Variants in DYNC1I1 observed in about 807,000 individuals in gnomAD.
The protein encoded by DYNC1I1 is cytoplasmic dynein 1 intermediate chain 1.
In DYNC1I1, 43 loss-of-function variants were observed where a neutral mutation model predicts 86.6. The ratio of observed to expected loss-of-function variants is 0.50; its 90% CI spans 0.39 to 0.64. DYNC1I1 has a LOEUF of 0.64. Among genes scored for constraint, DYNC1I1 ranks in the 30% least tolerant of loss-of-function variants. The pLI, the probability that DYNC1I1 is intolerant of heterozygous loss-of-function variation, is 0.00. For synonymous variants in DYNC1I1, 262 were observed against 283.7 expected (o/e 0.92, Z 0.77); for missense variants, 604 against 788.8 (o/e 0.77, Z 2.81).
At chr7:95,859,826 A>G (rs2706858) in intron 5 of DYNC1I1, among the ~76,000 whole-genome samples, 149,037 of 152,308 alleles carry the variant, frequency 0.98, 73,004 homozygotes, top group Middle Eastern at 1. Flanking sequence ...TAGGGTCATG[A>G]GGGCCTGCCT....
At chr7:95,926,153 T>G (rs1371849610) in intron 6 of DYNC1I1, among the ~76,000 whole-genome samples, 2 of 152,328 alleles carry the variant, frequency 1.3e-5, no homozygotes, top group East Asian at 3.9e-4. Flanking sequence ...ATGTACATAC[T>G]GAGCAATTCA....
chr7:95,853,599 G>A (rs752804465), intron 5 of DYNC1I1, among the ~76,000 whole-genome samples: 2 of 152,166 alleles, frequency 1.3e-5, no homozygotes, highest in Non-Finnish European at 2.9e-5. Flanking sequence ...TCTAGAAAAT[G>A]TTCCATGTGC....
At chr7:95,959,768 G>T (rs553759050) in intron 6 of DYNC1I1, among the ~76,000 whole-genome samples, 1 of 152,094 alleles carries the variant, frequency 6.6e-6, no homozygotes, top group African/African-American at 2.4e-5. Context: ...GCTATTAATA[G>T]AACTTACTCA....
chr7:95,843,446 C>T (rs1789342842), intron 5 of DYNC1I1, among the ~76,000 whole-genome samples: 1 of 152,178 alleles, frequency 6.6e-6, no homozygotes, highest in African/African-American at 2.4e-5. Context: ...TAACTTGGGG[C>T]AGTTGTAGGG....
intron 5 of DYNC1I1, among the ~76,000 whole-genome samples, chr7:95,864,232 A>G (rs1338092441): frequency 6.6e-6 from 1 of 152,206 alleles, no homozygotes; most frequent in African/African-American, 2.4e-5. Flanking sequence ...GGAAAGGGGA[A>G]TGGGGACAGT....
intron 6 of DYNC1I1, among the ~76,000 whole-genome samples, chr7:95,975,275 G>T (rs555518875): frequency 2.0e-5 from 3 of 152,286 alleles, no homozygotes; most frequent in Non-Finnish European, 4.4e-5. Context: ...CCACAAACTG[G>T]CTGTTTAAAC....
At position 95,954,226 on chromosome 7, in the gene DYNC1I1, T is replaced by C. The variant is rs1037741436; in HGVS notation, c.491-23286T>C. Among the ~76,000 whole-genome samples the C allele has an allele frequency of 7.9e-5, 12 of 151,478 alleles. No homozygotes were observed. In the South Asian group the frequency reaches 1.7e-3, roughly 21 times the overall value. ...GTCACCTGGTTTTAAAAATTGGTTA[T>C]TTAAAAATCTGCTATTATCATAATT... is the stretch of plus-strand genomic sequence containing the variant. On this transcript the variant is annotated intron_variant, in intron 6 of 16. Transcript: ENST00000447467.
intron 5 of DYNC1I1, among the ~76,000 whole-genome samples, chr7:95,831,812 G>A (rs1233990791): frequency 1.3e-5 from 2 of 151,690 alleles, no homozygotes; most frequent in East Asian, 1.9e-4. Flanking sequence ...AGTCTATTTA[G>A]GGCCTCTGTG....
intron 6 of DYNC1I1, among the ~76,000 whole-genome samples, chr7:95,879,251 A>T (rs1338982839): frequency 6.6e-6 from 1 of 152,194 alleles, no homozygotes; most frequent in Non-Finnish European, 1.5e-5. Context: ...AATAGCAGTG[A>T]TATAAAACAC....
intron 14 of DYNC1I1, among the ~76,000 whole-genome samples, chr7:96,059,320 A>T (rs1394459865): frequency 6.6e-6 from 1 of 152,148 alleles, no homozygotes; most frequent in African/African-American, 2.4e-5. Context: ...ATCGAAAAAA[A>T]AAAATGCAAA....
At position 96,039,322 on chromosome 7, in the gene DYNC1I1, GACAGGAATTA is replaced by G; in HGVS notation, c.1413_1422del (p.Gly472AlafsTer90). On this transcript the variant is annotated frameshift_variant, in exon 14 of 17. Coordinates refer to ENST00000447467, the MANE Select transcript of DYNC1I1 (RefSeq NM_001135556.2). LOFTEE classifies it high-confidence loss of function. ...TCTTTGAAGGTCACCAAGGGCCAGTGACAGGAATTAACTGCCACATGGCAGTGGGCCCAAT... is the reference window on the plus strand; with the variant it reads ...TCTTTGAAGGTCACCAAGGGCCAGTGACTGCCACATGGCAGTGGGCCCAAT... 6.2e-7 allele frequency: 1 copy of G among 1,614,114 alleles called. No homozygotes were observed. Among genetic ancestry groups the G allele is most frequent in the East Asian group, 2.2e-5 (1 of 44,878 alleles).
rs555898210 is a variant in DYNC1I1, at chr7:96,029,978, T to TTTGTTG, written c.1116+1675_1116+1680dup. Among the ~76,000 whole-genome samples the TTTGTTG allele has an allele frequency of 8.8e-3, 1,336 of 151,910 alleles. 15 individuals are homozygous for TTTGTTG. The highest frequency in any genetic ancestry group is 0.031 in the African/African-American group (1,266 of 41,460). ...CTTGTCCACTTTTCGCTTTTGCTGT[T>TTTGTTG]TTGTTGTTGTTGTTGTTGTTGTTTT... On this transcript the variant is annotated intron_variant, in intron 11 of 16. Coordinates refer to ENST00000447467, the MANE Select transcript of DYNC1I1 (RefSeq NM_001135556.2).
chr7:95,941,585 T>C (rs200198281), intron 6 of DYNC1I1, among the ~76,000 whole-genome samples: 1 of 152,184 alleles, frequency 6.6e-6, no homozygotes, highest in Non-Finnish European at 1.5e-5. Flanking sequence ...TGAGATTCCA[T>C]GGGCATAGGA....
chr7:95,960,999 C>T (rs1408584112), intron 6 of DYNC1I1, among the ~76,000 whole-genome samples: 1 of 152,214 alleles, frequency 6.6e-6, no homozygotes, highest in East Asian at 1.9e-4. Flanking sequence ...CTGGAAGCCA[C>T]AGGGTAGCTT....
At chr7:95,791,179 T>C (rs930645478) in intron 1 of DYNC1I1, among the ~76,000 whole-genome samples, 1 of 152,200 alleles carries the variant, frequency 6.6e-6, no homozygotes, top group Non-Finnish European at 1.5e-5. Flanking sequence ...TTCATTGTGA[T>C]TAATGTATCT....
At chr7:95,832,134 A>G (rs1303283678) in intron 5 of DYNC1I1, among the ~76,000 whole-genome samples, 1 of 82,526 alleles carries the variant, frequency 1.2e-5, no homozygotes, top group Non-Finnish European at 2.2e-5. Context: ...CCACCCCACA[A>G]CAGTCCCCAG....
chr7:95,953,011 C>T (rs1792600215), intron 6 of DYNC1I1, among the ~76,000 whole-genome samples: 2 of 150,894 alleles, frequency 1.3e-5, no homozygotes, highest in Admixed American at 1.3e-4. Context: ...TAGCTAATGG[C>T]TTTTATTTTG....
intron 2 of DYNC1I1, among the ~76,000 whole-genome samples, chr7:95,808,024 C>G (rs1794741409): frequency 6.6e-6 from 1 of 152,076 alleles, no homozygotes; most frequent in African/African-American, 2.4e-5. Context: ...AACATATGAA[C>G]TAGTCAGGGC....
At chr7:96,071,948 A>G (rs1400768846) in intron 14 of DYNC1I1, among the ~76,000 whole-genome samples, 2 of 152,224 alleles carry the variant, frequency 1.3e-5, no homozygotes, top group East Asian at 3.8e-4. Flanking sequence ...CCCAGCAAAT[A>G]GAGGATATGC....
Sources: gnomAD v4.1 joint callset for allele counts (sites outside exome capture counted in the v4.1 genomes callset) on GRCh38, gnomAD v4.1.1 for gene constraint, MANE v1.5 for transcripts, NCBI Gene and HGNC (gene_info 2026-07-23, HGNC 2026-07-21) for gene names.